Variants in BRAF observed in about 807,000 individuals in gnomAD.
The protein encoded by BRAF is serine/threonine-protein kinase B-raf.
A neutral mutation model predicts 104.6 loss-of-function variants in BRAF; 16 were observed. The observed-to-expected ratio is 0.15, with a 90% CI of 0.10 to 0.23. The LOEUF (loss-of-function observed/expected upper bound fraction) is 0.23. Ranked by LOEUF, BRAF falls within the 10% of genes least tolerant of loss-of-function variation. BRAF has a pLI of 1.00. For missense variants in BRAF, 541 were observed against 937.3 expected, an observed-to-expected ratio of 0.58 and a Z score of 5.52; for synonymous variants, 310 against 341.6, an observed-to-expected ratio of 0.91 and a Z score of 1.02.
chr7:140,782,425 C>T (rs1189408426), intron 11 of BRAF, among the ~76,000 whole-genome samples: 6 of 142,946 alleles, frequency 4.2e-5, no homozygotes, highest in African/African-American at 1.1e-4. Context: ...TCAATCAGTG[C>T]TAAATTTCTT....
intron 3 of BRAF, among the ~76,000 whole-genome samples, chr7:140,813,976 G>A (rs1804561736): frequency 6.6e-6 from 1 of 152,116 alleles, no homozygotes; most frequent in African/African-American, 2.4e-5. Context: ...TTAGGCCAGG[G>A]TGAAAACAAG....
intron 1 of BRAF, among the ~76,000 whole-genome samples, chr7:140,906,374 A>G (rs539317819): frequency 6.6e-6 from 1 of 151,862 alleles, no homozygotes; most frequent in South Asian, 2.1e-4. Flanking sequence ...GCTAATTTTT[A>G]TATTATTTGT....
At chr7:140,794,939 T>TG (rs1399517238) in intron 7 of BRAF, among the ~76,000 whole-genome samples, 1 of 152,218 alleles carries the variant, frequency 6.6e-6, no homozygotes, top group Non-Finnish European at 1.5e-5. Context: ...ATGATGTACT[T>TG]GTTCCTTTAC....
At chr7:140,815,239 G>T (rs10252436) in intron 3 of BRAF, among the ~76,000 whole-genome samples, 1,809 of 151,446 alleles carry the variant, frequency 0.012, 33 homozygotes, top group African/African-American at 0.041. Context: ...CCGGGCTCAC[G>T]CCATTCTCCT....
intron 1 of BRAF, among the ~76,000 whole-genome samples, chr7:140,874,023 T>C (rs1443811508): frequency 6.6e-6 from 1 of 152,002 alleles, no homozygotes; most frequent in African/African-American, 2.4e-5. Context: ...GAAATATTAG[T>C]AGTCACACAT....
chr7:140,748,170 T>C (rs924663658), intron 17 of BRAF, among the ~76,000 whole-genome samples: 7 of 152,164 alleles, frequency 4.6e-5, no homozygotes, highest in African/African-American at 1.7e-4. Flanking sequence ...GATATCACAA[T>C]AGGTGAAGTG....
intron 1 of BRAF, among the ~76,000 whole-genome samples, chr7:140,886,265 C>T (rs1172187992): frequency 6.6e-6 from 1 of 152,198 alleles, no homozygotes; most frequent in Non-Finnish European, 1.5e-5. Context: ...CTACTACTTA[C>T]AAAGGCATTC....
intron 1 of BRAF, among the ~76,000 whole-genome samples, chr7:140,860,043 T>G (rs1020596735): frequency 2.0e-5 from 3 of 152,132 alleles, no homozygotes; most frequent in African/African-American, 7.2e-5. Flanking sequence ...CTATTTTGAA[T>G]AATAAGGAGG....
chr7:140,821,498 T>C (rs1805484857), intron 3 of BRAF, among the ~76,000 whole-genome samples: 1 of 150,492 alleles, frequency 6.6e-6, no homozygotes, highest in African/African-American at 2.4e-5. Context: ...GAGATGAGGT[T>C]TCACCATGTT....
At chr7:140,838,952 C>A (rs965086339) in intron 2 of BRAF, among the ~76,000 whole-genome samples, 5 of 151,992 alleles carry the variant, frequency 3.3e-5, no homozygotes, top group African/African-American at 1.2e-4. Flanking sequence ...CTAAGAACCA[C>A]TGAATTACAC....
intron 2 of BRAF, among the ~76,000 whole-genome samples, chr7:140,848,133 T>G (rs1003524215): frequency 2.1e-4 from 32 of 152,284 alleles, no homozygotes; most frequent in African/African-American, 7.5e-4. Flanking sequence ...ATAAATTATG[T>G]TACTAAGAAT....
intron 19 of BRAF, among the ~76,000 whole-genome samples, chr7:140,729,296 T>G (rs754633946): frequency 6.6e-6 from 1 of 152,082 alleles, no homozygotes; most frequent in Non-Finnish European, 1.5e-5. Flanking sequence ...TTATAATGAT[T>G]AGAAATTTCA....
intron 1 of BRAF, among the ~76,000 whole-genome samples, chr7:140,903,591 C>CT (rs1196057380): frequency 6.6e-6 from 1 of 152,192 alleles, no homozygotes; most frequent in African/African-American, 2.4e-5. Flanking sequence ...GTAATTGTGA[C>CT]TTTCAACATT....
chr7:140,726,643 G>A, intron 19 of BRAF: 1 of 873,110 alleles, frequency 1.1e-6, no homozygotes, highest in Non-Finnish European at 1.8e-6. Flanking sequence ...CAACAGCATT[G>A]CTAATTTAAA....
intron 8 of BRAF, among the ~76,000 whole-genome samples, chr7:140,790,580 G>C (rs1801851018): frequency 6.6e-6 from 1 of 152,130 alleles, no homozygotes; most frequent in Admixed American, 6.5e-5. Context: ...CACTATGGAA[G>C]GCAAACACTA....
chr7:140,776,963 A>C lies in BRAF; in HGVS notation c.1763T>G (p.Phe588Cys). 6.2e-7 allele frequency: 1 copy of C among 1,613,790 alleles called. No individual in the cohort carries two copies. Among genetic ancestry groups the C allele is most frequent in the Non-Finnish European group, 8.5e-7 (1 of 1,179,912 alleles). Residue 588 changes from phenylalanine (F) to cysteine (C), a missense_variant, in exon 14 of 20, where the codon TTT becomes TGT. Phe to Cys is a radical substitution (Grantham distance 205). Transcript: ENST00000644969. ...YHHLHIIETK[F>C]EMIKLIDIAR... ...AATATCTATAAGTTTGATCATCTCAAATTTGGTCTCAATGATATGGAGATG... is the reference window on the plus strand; with the variant it reads ...AATATCTATAAGTTTGATCATCTCACATTTGGTCTCAATGATATGGAGATG...
At chr7:140,902,652 GC>G (rs879353883) in intron 1 of BRAF, among the ~76,000 whole-genome samples, 3 of 152,168 alleles carry the variant, frequency 2.0e-5, no homozygotes, top group Non-Finnish European at 2.9e-5. Flanking sequence ...AGCAAAACAG[GC>G]CGGGCACTAC....
At position 140,799,854 on chromosome 7, in the gene BRAF, T is replaced by C. The variant is rs966144894; in HGVS notation, c.980+508A>G. ...AATGCTTCTTCATAAGTGGAAGTCA[T>C]ATACTTCTATACCTAATAAAAGATG... On this transcript the variant is annotated intron_variant, in intron 7 of 19. Transcript: ENST00000644969. 4 of 252,672 alleles carry C rather than the reference T, an allele frequency of 1.6e-5. No homozygotes were observed. The Admixed American group carries it at 2.0e-4, about 12-fold the overall frequency. 15.7% of individuals were successfully genotyped at this position (252,672 alleles called of 1,614,324 possible).
rs1261816511 is a variant in BRAF, at chr7:140,723,038, AT to A, written c.*3455del. ...TGTTCTAGAGCTCCTGACTTTTCAT[AT>A]TTTAAAATAAATAACTATTCATTAC... is the stretch of plus-strand genomic sequence containing the variant. On this transcript the variant is annotated 3_prime_UTR_variant, in exon 20 of 20. Transcript: ENST00000644969. 2.1e-5 allele frequency: 22 copies of A among 1,051,406 alleles called. No homozygotes were observed. Among genetic ancestry groups the A allele is most frequent in the Non-Finnish European group, 2.4e-5 (21 of 870,686 alleles). 65.1% of individuals were successfully genotyped at this position (1,051,406 alleles called of 1,614,324 possible). A position where few individuals can be genotyped will look rare whatever the true frequency, so the allele number is the denominator to read the frequency against.
Sources: gnomAD v4.1 joint callset for allele counts (sites outside exome capture counted in the v4.1 genomes callset) on GRCh38, gnomAD v4.1.1 for gene constraint, MANE v1.5 for transcripts, NCBI Gene and HGNC (gene_info 2026-07-23, HGNC 2026-07-21) for gene names.